Variants in GTF3C3 observed in about 807,000 individuals in gnomAD.
The protein encoded by GTF3C3 is general transcription factor 3C polypeptide 3.
A neutral mutation model predicts 105.2 loss-of-function variants in GTF3C3; 75 were observed. The observed-to-expected ratio is 0.71, with a 90% CI of 0.59 to 0.86. The LOEUF (loss-of-function observed/expected upper bound fraction) is 0.86, where lower values mean the gene tolerates loss of function less well. GTF3C3 is among the 40% of genes least tolerant of loss of function. GTF3C3 has a pLI of 0.00. For synonymous variants in GTF3C3, 335 were observed against 370.4 expected (o/e 0.90, Z 1.10); for missense variants, 856 against 1,076.5 (o/e 0.80, Z 2.87).
At position 196,771,781 on chromosome 2, in the gene GTF3C3, C is replaced by G; in HGVS notation, c.2227G>C (p.Ala743Pro). The G allele has an allele frequency of 6.2e-7, 1 of 1,613,310 alleles. No individual in the cohort carries two copies. Among genetic ancestry groups the G allele is most frequent in the Non-Finnish European group, 8.5e-7 (1 of 1,179,266 alleles). ...HALCVLNGHN[A>P]FVSGSFKHAL... Reference sequence around the variant, plus strand: ...TGCTTAAAACTACCAGATACAAATGCATTGTGTCCATTTAAGACACATAGG... The same window carrying G: ...TGCTTAAAACTACCAGATACAAATGGATTGTGTCCATTTAAGACACATAGG... Residue 743 changes from alanine (A) to proline (P), a missense_variant, in exon 15 of 18, where the codon GCA (alanine) becomes CCA (proline). Coordinates refer to ENST00000263956, the MANE Select transcript of GTF3C3 (RefSeq NM_012086.5).
intron 8 of GTF3C3, among the ~76,000 whole-genome samples, chr2:196,781,278 T>C (rs1332376235): frequency 1.4e-5 from 2 of 145,302 alleles, no homozygotes; most frequent in Non-Finnish European, 3.0e-5. Context: ...ATTATGACAG[T>C]CTTCCATACC....
intron 6 of GTF3C3, among the ~76,000 whole-genome samples, chr2:196,787,585 TAC>T (rs1699473699): frequency 6.6e-6 from 1 of 152,156 alleles, no homozygotes; most frequent in African/African-American, 2.4e-5. Context: ...ATGACCATAA[TAC>T]AGAGAATTAT....
chr2:196,766,907 T>G, intron 16 of GTF3C3, 190 bp from the exon 17 acceptor site: 4 of 371,886 alleles, frequency 1.1e-5, no homozygotes, highest in Non-Finnish European at 1.9e-5. Flanking sequence ...GATGTAAGAA[T>G]TTTTTTTAGC....
At chr2:196,796,947 T>C (rs774042464) in intron 2 of GTF3C3, among the ~76,000 whole-genome samples, 12 of 152,214 alleles carry the variant, frequency 7.9e-5, no homozygotes, top group Non-Finnish European at 1.2e-4. Flanking sequence ...TTTTCCTCAC[T>C]TGGTCCAGGG....
chr2:196,792,955 C>G lies in GTF3C3; in HGVS notation c.411+1G>C. 1 of 1,600,060 alleles carries G rather than the reference C, an allele frequency of 6.2e-7. No individual in the cohort carries two copies. Among genetic ancestry groups the G allele is most frequent in the Non-Finnish European group, 8.6e-7 (1 of 1,168,978 alleles). On this transcript the variant is annotated splice_donor_variant, in intron 3 of 17. Transcript: ENST00000263956. LOFTEE classifies it high-confidence loss of function. ...AAATACCAAAATAAGTAAAAATTTACTTTCATCATTTTCTTGGTTTCACGA... is the reference window on the plus strand; with the variant it reads ...AAATACCAAAATAAGTAAAAATTTAGTTTCATCATTTTCTTGGTTTCACGA...
At chr2:196,772,771 A>G (rs1341309638) in intron 14 of GTF3C3, 145 bp downstream of exon 14, 2 of 537,880 alleles carry the variant, frequency 3.7e-6, no homozygotes, top group Non-Finnish European at 6.5e-6. Flanking sequence ...CCTAGAGTGC[A>G]TCTTCTTATA....
At chr2:196,775,649 G>C (rs1699247950) in intron 12 of GTF3C3, among the ~76,000 whole-genome samples, 1 of 152,158 alleles carries the variant, frequency 6.6e-6, no homozygotes, top group South Asian at 2.1e-4. Flanking sequence ...CATCCCCAGA[G>C]ATACACCCAC....
At chr2:196,795,306 G>A (rs1699622875) in intron 2 of GTF3C3, among the ~76,000 whole-genome samples, 1 of 152,184 alleles carries the variant, frequency 6.6e-6, no homozygotes, top group Admixed American at 6.5e-5. Context: ...CCAAAGTGCT[G>A]GGATTAGAAG....
rs1559306284 is a variant in GTF3C3, at chr2:196,793,129, TC to T, written c.237del (p.Lys80SerfsTer56). 6.2e-7 allele frequency: 1 copy of T among 1,611,952 alleles called. No homozygotes were observed. Among genetic ancestry groups the T allele is most frequent in the Admixed American group, 1.7e-5 (1 of 59,822 alleles). Reference protein sequence around the residue: ...VNEGETSDGVRKSVHKVFASM... With the variant: ...VNEGETSDGVXKSVHKVFASM... ...GAAGCAAAGACCTTGTGAACTGACT[TC>T]CTCACTCCATCTGATGTTTCTCCTG... On this transcript the variant is annotated frameshift_variant, in exon 3 of 18. Transcript: ENST00000263956. LOFTEE classifies it high-confidence loss of function.
intron 15 of GTF3C3, among the ~76,000 whole-genome samples, chr2:196,770,361 T>C (rs1341017516): frequency 6.6e-6 from 1 of 152,216 alleles, no homozygotes; most frequent in African/African-American, 2.4e-5. Flanking sequence ...TTTTATGACC[T>C]TAAATCTAGT....
intron 2 of GTF3C3, among the ~76,000 whole-genome samples, chr2:196,794,844 T>G (rs1020729669): frequency 1.3e-5 from 2 of 151,624 alleles, no homozygotes; most frequent in Admixed American, 1.3e-4. Flanking sequence ...TTCTCATGCC[T>G]CAGCCTCCCG....
Position 196,789,380 on chromosome 2 carries a change from A to C in GTF3C3, c.728-11T>G. On this transcript the variant is annotated splice_polypyrimidine_tract_variant and intron_variant, in intron 5 of 17. Transcript: ENST00000263956. ...GTTCATATTTAAGAGCTAAAAAGAA[A>C]GAAATACAAATTATTTACCACAAAA... 6.4e-7 allele frequency: 1 copy of C among 1,566,796 alleles called. No individual in the cohort carries two copies. Among genetic ancestry groups the C allele is most frequent in the Non-Finnish European group, 8.7e-7 (1 of 1,154,302 alleles).
At chr2:196,766,761 C>T (rs1699076474) in intron 16 of GTF3C3, 44 bp from the exon 17 acceptor site, 1 of 1,472,484 alleles carries the variant, frequency 6.8e-7, no homozygotes, top group African/African-American at 1.4e-5. Context: ...ACTGATTTGA[C>T]AATTATGTAC....
chr2:196,765,806 C>T (rs112235546), intron 17 of GTF3C3, among the ~76,000 whole-genome samples: 7 of 151,504 alleles, frequency 4.6e-5, no homozygotes, highest in South Asian at 2.1e-4. Flanking sequence ...GTCAGGAGAT[C>T]GAGACCATCC....
chr2:196,770,494 G>C (rs1439852318), intron 15 of GTF3C3, among the ~76,000 whole-genome samples: 2 of 152,168 alleles, frequency 1.3e-5, no homozygotes, highest in African/African-American at 4.8e-5. Context: ...TTGTTTTTTA[G>C]ACTACAGGTG....
chr2:196,768,166 C>T (rs139356324), intron 16 of GTF3C3, among the ~76,000 whole-genome samples: 123 of 152,168 alleles, frequency 8.1e-4, no homozygotes, highest in African/African-American at 2.4e-3. Context: ...TACAGGCACA[C>T]GCCACCACAC....
At chr2:196,783,120 T>C (rs954089007) in intron 8 of GTF3C3, among the ~76,000 whole-genome samples, 1 of 152,182 alleles carries the variant, frequency 6.6e-6, no homozygotes, top group African/African-American at 2.4e-5. Context: ...CTTCTGGACA[T>C]ATCTTTTTCT....
chr2:196,783,587 A>T (rs1423072410), intron 8 of GTF3C3, among the ~76,000 whole-genome samples: 2 of 152,076 alleles, frequency 1.3e-5, no homozygotes, highest in Non-Finnish European at 1.5e-5. Flanking sequence ...CACCACCCTG[A>T]TGACTCAACA....
At position 196,771,743 on chromosome 2, in the gene GTF3C3, CT is replaced by C; in HGVS notation, c.2260+4del. 1.3e-6 allele frequency: 2 copies of C among 1,598,160 alleles called. No homozygotes were observed. Among genetic ancestry groups the C allele is most frequent in the Non-Finnish European group, 1.7e-6 (2 of 1,165,440 alleles). On this transcript the variant is annotated splice_donor_region_variant and intron_variant, in intron 15 of 17. Transcript: ENST00000263956. The stretch of plus-strand genomic sequence containing the variant: ...CTTGACAAAGTCACGTGCCAGGACA[CT>C]TACCAAGCGCATGCTTAAAACTACC...
Sources: gnomAD v4.1 joint callset for allele counts (sites outside exome capture counted in the v4.1 genomes callset) on GRCh38, gnomAD v4.1.1 for gene constraint, MANE v1.5 for transcripts, NCBI Gene and HGNC (gene_info 2026-07-23, HGNC 2026-07-21) for gene names.